The following PTPRM variants were observed in gnomAD, a reference collection of about 807,000 sequenced individuals.
PTPRM encodes protein tyrosine phosphatase receptor type M.
PTPRM carries 47 observed loss-of-function variants against 186.7 expected under a neutral mutation model. That is an observed-to-expected ratio of 0.25 (90% CI 0.20 to 0.32). PTPRM has a LOEUF of 0.32. Ranked by LOEUF, PTPRM falls within the 10% of genes least tolerant of loss-of-function variation. The pLI, the probability that PTPRM is intolerant of heterozygous loss-of-function variation, is 1.00. For missense variants in PTPRM, 1,494 were observed against 1,865.0 expected (o/e 0.80, Z 3.66); for synonymous variants, 668 against 674.9 (o/e 0.99, Z 0.16).
chr18:8,222,047 TGGCTTGGGA>T (rs2094159565), intron 14 of PTPRM, among the ~76,000 whole-genome samples: 1 of 152,230 alleles, frequency 6.6e-6, no homozygotes, highest in South Asian at 2.1e-4. Flanking sequence ...GAGCCTACTT[TGGCTTGGGA>T]GGCTGCCCAA....
At position 8,289,579 on chromosome 18, in the gene PTPRM, T is replaced by TATATATATAC. The variant is rs1568675434; in HGVS notation, c.2755-6787_2755-6778dup. Among the ~76,000 whole-genome samples the TATATATATAC allele has an allele frequency of 2.5e-3, 259 of 103,784 alleles. 13 individuals are homozygous for TATATATATAC. The highest frequency in any genetic ancestry group is 9.7e-3 in the African/African-American group (238 of 24,438). The allele number at this position is 103,784 out of a possible 152,430, so 68.1% of individuals were successfully genotyped here. A position where few individuals can be genotyped will look rare whatever the true frequency, so the allele number is the denominator to read the frequency against. ...ATATATACACATATATATATATACATATATATATACACATATATATATACA... is the reference window on the plus strand; with the variant it reads ...ATATATACACATATATATATATACATATATATATACATATATATACACATATATATATACA... On this transcript the variant is annotated intron_variant, in intron 19 of 32. Transcript: ENST00000580170.
At chr18:8,388,373 G>C (rs2095791347) in intron 31 of PTPRM, among the ~76,000 whole-genome samples, 3 of 152,170 alleles carry the variant, frequency 2.0e-5, no homozygotes, top group Admixed American at 2.0e-4. Context: ...ACCTGGCTCA[G>C]GGCGTGGGTT....
rs10541547 is a variant in PTPRM, at chr18:7,659,117, T to TACACAC, written c.73+91260_73+91265dup. 9.7e-3 allele frequency among the ~76,000 whole-genome samples: 1,391 copies of TACACAC among 143,988 alleles called. 14 individuals are homozygous for TACACAC. Among genetic ancestry groups the TACACAC allele is most frequent in the African/African-American group, 0.026 (1,003 of 38,986 alleles). The allele number at this position is 143,988 out of a possible 152,430, so 94.5% of individuals were successfully genotyped here. ...GCAGGTATACACATGCACATGTATGTACACACACACACACACACACACACA... is the reference window on the plus strand; with the variant it reads ...GCAGGTATACACATGCACATGTATGTACACACACACACACACACACACACACACACA... On this transcript the variant is annotated intron_variant, in intron 1 of 32. Coordinates refer to ENST00000580170, the MANE Select transcript of PTPRM (RefSeq NM_001105244.2).
chr18:8,382,062 G>A (rs1038547027), intron 29 of PTPRM, among the ~76,000 whole-genome samples: 2 of 152,202 alleles, frequency 1.3e-5, no homozygotes, highest in Non-Finnish European at 2.9e-5. Flanking sequence ...AGACAGAGCT[G>A]ATTTTCAGAG....
At chr18:7,583,219 G>C (rs1394075688) in intron 1 of PTPRM, among the ~76,000 whole-genome samples, 2 of 152,122 alleles carry the variant, frequency 1.3e-5, no homozygotes, top group Non-Finnish European at 2.9e-5. Context: ...TGGTTTCCTA[G>C]AAATAAGGAA....
At chr18:8,189,801 A>G (rs569958170) in intron 14 of PTPRM, among the ~76,000 whole-genome samples, 2 of 152,330 alleles carry the variant, frequency 1.3e-5, no homozygotes, top group African/African-American at 2.4e-5. Flanking sequence ...GCCCTCTTTT[A>G]AAATCCAACA....
chr18:8,373,363 A>G (rs1216308848), intron 24 of PTPRM, among the ~76,000 whole-genome samples: 1 of 152,198 alleles, frequency 6.6e-6, no homozygotes, highest in Non-Finnish European at 1.5e-5. Context: ...GAACTCATGA[A>G]TTCCTGCTTT....
intron 7 of PTPRM, among the ~76,000 whole-genome samples, chr18:8,005,146 G>T (rs530675237): frequency 6.6e-6 from 1 of 152,260 alleles, no homozygotes; most frequent in East Asian, 1.9e-4. Context: ...TGGTTGCATG[G>T]AAAAATATAC....
intron 14 of PTPRM, among the ~76,000 whole-genome samples, chr18:8,199,788 A>G (rs1246364243): frequency 1.3e-5 from 2 of 152,174 alleles, no homozygotes; most frequent in East Asian, 1.9e-4. Flanking sequence ...AAATGCCTCT[A>G]TAGTCCAAAG....
At chr18:7,761,769 G>T (rs2041786390) in intron 1 of PTPRM, among the ~76,000 whole-genome samples, 1 of 152,028 alleles carries the variant, frequency 6.6e-6, no homozygotes, top group South Asian at 2.1e-4. Context: ...CCTCCCTAGT[G>T]CCTGACATCA....
At chr18:7,819,359 G>GGCTGGATGTTGAGGGGAGCACACTGGCA (rs2045041731) in intron 2 of PTPRM, among the ~76,000 whole-genome samples, 1 of 148,456 alleles carries the variant, frequency 6.7e-6, no homozygotes, top group Non-Finnish European at 1.5e-5. Context: ...ACACATTGGC[G>GGCTGGATGTTGAGGGGAGCACACTGGCA]GAAGAAGATA....
At chr18:7,964,433 G>T (rs2053885482) in intron 7 of PTPRM, among the ~76,000 whole-genome samples, 2 of 152,062 alleles carry the variant, frequency 1.3e-5, no homozygotes, top group South Asian at 4.1e-4. Flanking sequence ...AATCCTTCTG[G>T]TCAGTGTTTT....
chr18:7,789,267 G>A (rs1032543784), intron 2 of PTPRM, among the ~76,000 whole-genome samples: 4 of 152,146 alleles, frequency 2.6e-5, no homozygotes, highest in Non-Finnish European at 2.9e-5. Context: ...TGAGGCTGCA[G>A]CAAGCCGTGA....
intron 6 of PTPRM, among the ~76,000 whole-genome samples, chr18:7,953,667 C>T (rs954485739): frequency 6.6e-6 from 1 of 152,152 alleles, no homozygotes; most frequent in Non-Finnish European, 1.5e-5. Context: ...AGAACTAAGA[C>T]AACCAACTCA....
rs114861600 is a variant in PTPRM, at chr18:7,784,371, C to T, written c.196+10100C>T. On this transcript the variant is annotated intron_variant, in intron 2 of 32. Coordinates refer to ENST00000580170, the MANE Select transcript of PTPRM (RefSeq NM_001105244.2). ...ACACACACCATTGCTCCAAGTATGTCGCTCTCTGCCAGCCCAGCTGCTGAA... is the reference window on the plus strand; with the variant it reads ...ACACACACCATTGCTCCAAGTATGTTGCTCTCTGCCAGCCCAGCTGCTGAA... Among the ~76,000 whole-genome samples the T allele has an allele frequency of 2.5e-3, 374 of 152,158 alleles. 2 individuals carry two copies. The highest frequency in any genetic ancestry group is 8.0e-3 in the African/African-American group (331 of 41,520).
chr18:8,379,110 G>A, intron 27 of PTPRM, 57 bp from the exon 28 acceptor site: 1 of 1,463,134 alleles, frequency 6.8e-7, no homozygotes, highest in Non-Finnish European at 9.2e-7. Context: ...AACTGCACGT[G>A]AGAGGAGTCC....
intron 7 of PTPRM, among the ~76,000 whole-genome samples, chr18:8,063,157 G>A (rs1385470741): frequency 2.6e-5 from 4 of 150,958 alleles, no homozygotes; most frequent in East Asian, 2.0e-4. Flanking sequence ...ATATAGTCTC[G>A]TGGTGCGCCG....
At chr18:7,721,687 C>T (rs369678348) in intron 1 of PTPRM, among the ~76,000 whole-genome samples, 9 of 151,966 alleles carry the variant, frequency 5.9e-5, no homozygotes, top group African/African-American at 2.2e-4. Flanking sequence ...TATTCAGTAC[C>T]GTTTGTTGAA....
At chr18:7,625,206 C>T (rs368999059) in intron 1 of PTPRM, among the ~76,000 whole-genome samples, 34 of 152,130 alleles carry the variant, frequency 2.2e-4, no homozygotes, top group African/African-American at 7.7e-4. Flanking sequence ...AATGTCATCT[C>T]GAATCTGTTT....
Sources: allele counts gnomAD v4.1 joint callset (sites outside exome capture counted in the v4.1 genomes callset), GRCh38; gene constraint gnomAD v4.1.1; transcripts MANE v1.5; gene names NCBI Gene and HGNC (gene_info 2026-07-23, HGNC 2026-07-21).